LRRK2: variants seen among roughly 807,000 people sequenced by gnomAD.
The protein encoded by LRRK2 is leucine rich repeat kinase 2.
A neutral mutation model predicts 302.6 loss-of-function variants in LRRK2; 203 were observed. The ratio of observed to expected loss-of-function variants is 0.67; its 90% CI spans 0.60 to 0.75. The LOEUF is 0.75. LRRK2 is among the 30% of genes least tolerant of loss of function. The probability of loss-of-function intolerance (pLI) is 0.00; values close to 1 mark genes in which losing one functional copy is unlikely to be tolerated. For missense variants in LRRK2, 2,830 were observed against 2,951.0 expected, an observed-to-expected ratio of 0.96 and a Z score of 0.95; for synonymous variants, 1,066 against 1,031.9, an observed-to-expected ratio of 1.03 and a Z score of -0.63.
At position 40,251,471 on chromosome 12, in the gene LRRK2, G is replaced by T. The variant is rs200189771; in HGVS notation, c.1108G>T (p.Ala370Ser). 4.3e-6 allele frequency: 7 copies of T among 1,610,800 alleles called. No individual in the cohort carries two copies. Among genetic ancestry groups the T allele is most frequent in the Non-Finnish European group, 5.1e-6 (6 of 1,178,254 alleles). Residue 370 changes from alanine (A) to serine (S), a missense_variant, in exon 10 of 51, where the codon GCA (alanine) becomes TCA (serine). Around this residue, in one of 3 missense-constraint regions of LRRK2, gnomAD observed 2,121 missense variants for 2,148.0 expected, o/e 0.99. Transcript: ENST00000298910. Reference sequence around the variant, plus strand: ...TTTTTCTCCCCTAATCCAGGAGGCCGCATGCTGGGCACTAAATAATCTCCT... The same window carrying T: ...TTTTTCTCCCCTAATCCAGGAGGCCTCATGCTGGGCACTAAATAATCTCCT... ...HRKNKHVQEA[A>S]CWALNNLLMY...
intron 14 of LRRK2, among the ~76,000 whole-genome samples, chr12:40,265,088 T>C (rs1942951553): frequency 6.6e-6 from 1 of 152,222 alleles, no homozygotes; most frequent in Non-Finnish European, 1.5e-5. Context: ...TTGAACTTTA[T>C]ACTGTCACTC....
At position 40,305,986 on chromosome 12, in the gene LRRK2, T is replaced by C. The variant is rs1288705622; in HGVS notation, c.3959+20T>C. On this transcript the variant is annotated intron_variant, in intron 28 of 50. Transcript: ENST00000298910. ...CATAAGGTTAGATAATTTTTTTCTATTTGGTTTTACTAAATTTATTTCAGA... is the reference window on the plus strand; with the variant it reads ...CATAAGGTTAGATAATTTTTTTCTACTTGGTTTTACTAAATTTATTTCAGA... 6.3e-7 allele frequency: 1 copy of C among 1,578,926 alleles called. No individual in the cohort carries two copies. The highest frequency in any genetic ancestry group is 1.3e-5 in the African/African-American group (1 of 74,304).
chr12:40,334,906 A>G (rs1945822876), intron 39 of LRRK2, 61 bp from the exon 40 acceptor site: 8 of 1,559,618 alleles, frequency 5.1e-6, no homozygotes, highest in Non-Finnish European at 7.0e-6. Context: ...ACTTTAAAGA[A>G]GGAGATACGT....
At chr12:40,289,048 G>A (rs1228058004) in intron 20 of LRRK2, among the ~76,000 whole-genome samples, 2 of 151,650 alleles carry the variant, frequency 1.3e-5, no homozygotes, top group African/African-American at 4.8e-5. Flanking sequence ...CTCAGCTTTG[G>A]CATTTAGGTC....
intron 20 of LRRK2, among the ~76,000 whole-genome samples, chr12:40,292,832 T>C (rs768323910): frequency 2.0e-5 from 3 of 152,020 alleles, no homozygotes; most frequent in Non-Finnish European, 4.4e-5. Flanking sequence ...TATTGATCTT[T>C]GTTTTCTTGT....
chr12:40,284,814 A>G (rs1943855467), intron 19 of LRRK2, among the ~76,000 whole-genome samples: 1 of 152,108 alleles, frequency 6.6e-6, no homozygotes, highest in South Asian at 2.1e-4. Flanking sequence ...CATGGTCATC[A>G]AACTCCATGA....
chr12:40,344,122 G>T lies in LRRK2; in HGVS notation c.6110-2631G>T, dbSNP rs559878001. On this transcript the variant is annotated intron_variant, in intron 41 of 50. Transcript: ENST00000298910. ...AAAAAAAATCCCAACCTTCTTCACA[G>T]CTCTACCATCTTCGGATTGTTGCCT... 3.9e-5 allele frequency among the ~76,000 whole-genome samples: 6 copies of T among 152,134 alleles called. No individual in the cohort carries two copies. The South Asian group carries it at 1.2e-3, about 32-fold the overall frequency.
intron 48 of LRRK2, among the ~76,000 whole-genome samples, chr12:40,363,895 A>G (rs1269055119): frequency 6.6e-6 from 1 of 151,970 alleles, no homozygotes; most frequent in Admixed American, 6.6e-5. Flanking sequence ...TAATTAAATT[A>G]TGGGCCCCAG....
chr12:40,275,125 T>G, intron 16 of LRRK2, 132 bp downstream of exon 16: 1 of 1,011,558 alleles, frequency 9.9e-7, no homozygotes, highest in Non-Finnish European at 1.5e-6. Context: ...TTGTAGTATT[T>G]TAATTATACA....
intron 46 of LRRK2, 144 bp from the exon 47 acceptor site, chr12:40,359,116 G>A (rs922721551): frequency 2.8e-6 from 2 of 704,812 alleles, no homozygotes; most frequent in Non-Finnish European, 4.6e-6. Context: ...TTTTTTTAAT[G>A]GAATCTTTAG....
chr12:40,348,143 A>G (rs911122356), intron 42 of LRRK2, among the ~76,000 whole-genome samples: 6 of 152,192 alleles, frequency 3.9e-5, no homozygotes, highest in African/African-American at 9.6e-5. Context: ...TTTGAAATGC[A>G]GGTACAGAAT....
intron 23 of LRRK2, among the ~76,000 whole-genome samples, chr12:40,297,954 T>C (rs989447099): frequency 1.3e-5 from 2 of 152,118 alleles, no homozygotes; most frequent in African/African-American, 4.8e-5. Flanking sequence ...TGCTTCCATT[T>C]TGCTCTTTCT....
Position 40,363,528 on chromosome 12 carries a change from A to C in LRRK2, c.7155A>C (p.Gly2385=). Reference sequence around the variant, plus strand: ...ATAAGAAAACTGAAAAACTCTGTGGACTAATAGACTGCGTGCACTTTTTAA... The same window carrying C: ...ATAAGAAAACTGAAAAACTCTGTGGCCTAATAGACTGCGTGCACTTTTTAA... ...VWDKKTEKLC[G]LIDCVHFLRE... The change falls in exon 48 of 51, where the codon GGA becomes GGC. Residue 2385 remains glycine, a synonymous_variant. Transcript: ENST00000298910. The C allele has an allele frequency of 6.2e-7, 1 of 1,611,236 alleles. No individual in the cohort carries two copies. Among genetic ancestry groups the C allele is most frequent in the Middle Eastern group, 1.7e-4 (1 of 6,046 alleles).
In LRRK2 at chr12:40,351,719, G is replaced by A. The variant is rs1278382977; in HGVS notation, c.6562G>A (p.Gly2188Arg). 1.1e-5 allele frequency: 18 copies of A among 1,613,964 alleles called. No homozygotes were observed. The highest frequency in any genetic ancestry group is 1.7e-5 in the Admixed American group (1 of 59,994). Reference protein sequence around the residue: ...QLSFLDLNTEGYTSEEVADSR... With the variant: ...QLSFLDLNTERYTSEEVADSR... ...CTCATTTCTTGACTTAAATACTGAA[G>A]GATACACTTCTGAGGTAAATCCAAA... Residue 2188 changes from glycine (G) to arginine (R), a missense_variant, in exon 44 of 51, where the codon GGA (glycine) becomes AGA (arginine). By Grantham distance (125) the Gly-to-Arg change is moderately radical (BLOSUM62 -2). Around this residue, in one of 3 missense-constraint regions of LRRK2, gnomAD observed 456 missense variants for 456.3 expected, o/e 1.00. Coordinates refer to ENST00000298910, the MANE Select transcript of LRRK2 (RefSeq NM_198578.4).
chr12:40,263,809 G>A lies in LRRK2; in HGVS notation c.1564G>A (p.Glu522Lys). 1 of 1,612,422 alleles carries A rather than the reference G, an allele frequency of 6.2e-7. No homozygotes were observed. The highest frequency in any genetic ancestry group is 8.5e-7 in the Non-Finnish European group (1 of 1,178,820). ...IVPGMPEESR[E>K]DTEFHHKLNM... Reference sequence around the variant, plus strand: ...TTTAGGCATGCCAGAAGAATCCAGGGAGGATACAGAATTTCATCATAAGCT... The same window carrying A: ...TTTAGGCATGCCAGAAGAATCCAGGAAGGATACAGAATTTCATCATAAGCT... Residue 522 changes from glutamate to lysine, a missense_variant, in exon 14 of 51, where the codon GAG (glutamate) becomes AAG (lysine). Around this residue, in one of 3 missense-constraint regions of LRRK2, gnomAD observed 2,121 missense variants for 2,148.0 expected, o/e 0.99. Transcript: ENST00000298910.
rs1474585941 is a variant in LRRK2 at position 40,348,285 on chromosome 12, T to C, written c.6281-124T>C. ...TAATTTTGTGACAAGTAAATTTACA[T>C]AAATATAGGATTATGGAGATAATAT... On this transcript the variant is annotated intron_variant, in intron 42 of 50. Transcript: ENST00000298910. 4 of 663,028 alleles carry C rather than the reference T, an allele frequency of 6.0e-6. No individual in the cohort carries two copies. The Admixed American group carries it at 1.2e-4, about 19-fold the overall frequency. 41.1% of individuals were successfully genotyped at this position (663,028 alleles called of 1,614,324 possible). A position where few individuals can be genotyped will look rare whatever the true frequency, so the allele number is the denominator to read the frequency against.
chr12:40,312,910 T>C (rs1442325813), intron 31 of LRRK2: 1 of 151,656 alleles, frequency 6.6e-6, no homozygotes, highest in Non-Finnish European at 1.5e-5. Context: ...AAAGTGGAGG[T>C]TAGTGAAATT....
chr12:40,315,322 G>A, intron 33 of LRRK2, 22 bp downstream of exon 33: 2 of 1,574,882 alleles, frequency 1.3e-6, no homozygotes, highest in Non-Finnish European at 1.7e-6. Context: ...TTATTTTTGT[G>A]GCACGGGGGT....
In LRRK2 at chr12:40,359,383, A is replaced by G; in HGVS notation, c.6967A>G (p.Ile2323Val). ...NVMWGGCGTK[I>V]FSFSNDFTIQ... Reference sequence around the variant, plus strand: ...AATGTGGGGAGGATGTGGCACAAAGATTTTCTCCTTTTCTAATGATTTCAC... The same window carrying G: ...AATGTGGGGAGGATGTGGCACAAAGGTTTTCTCCTTTTCTAATGATTTCAC... The change falls in exon 47 of 51, where the codon ATT becomes GTT. Residue 2323 changes from isoleucine (I) to valine (V), a missense_variant. Physicochemically the swap from Ile to Val is conservative, Grantham distance 29 (BLOSUM62 3). Coordinates refer to ENST00000298910, the MANE Select transcript of LRRK2 (RefSeq NM_198578.4). The G allele has an allele frequency of 6.2e-7, 1 of 1,613,284 alleles. No homozygotes were observed. The highest frequency in any genetic ancestry group is 8.5e-7 in the Non-Finnish European group (1 of 1,179,586).
Sources: gnomAD v4.1 joint callset for allele counts (sites outside exome capture counted in the v4.1 genomes callset) on GRCh38, gnomAD v4.1.1 for gene constraint, gnomAD v4.1.1 regional missense constraint, MANE v1.5 for transcripts, NCBI Gene and HGNC (gene_info 2026-07-23, HGNC 2026-07-21) for gene names.